The following RBFOX1 variants were observed in gnomAD, a reference collection of about 807,000 sequenced individuals.
RBFOX1 encodes RNA binding fox-1 homolog 1.
Under a neutral mutation model 57.7 loss-of-function variants are expected in RBFOX1, and 8 were observed. The ratio of observed to expected loss-of-function variants is 0.14; its 90% CI spans 0.08 to 0.25. The LOEUF is 0.25. Ranked by LOEUF, RBFOX1 falls within the 10% of genes least tolerant of loss-of-function variation. The pLI is 1.00. For missense variants in RBFOX1, 611 were observed against 548.5 expected (o/e 1.11, Z -1.14); for synonymous variants, 326 against 222.4 (o/e 1.47, Z -4.15).
At chr16:5,794,511 C>CGTGTGT (rs59795545) in intron 3 of RBFOX1, among the ~76,000 whole-genome samples, 3 of 149,904 alleles carry the variant, frequency 2.0e-5, no homozygotes, top group African/African-American at 4.9e-5. Context: ...TGCCAGCGTG[C>CGTGTGT]GTGTGTGTGT....
chr16:5,747,927 T>C (rs1021954373), intron 3 of RBFOX1, among the ~76,000 whole-genome samples: 2 of 152,192 alleles, frequency 1.3e-5, no homozygotes, highest in African/African-American at 2.4e-5. Flanking sequence ...CTTTTGAATG[T>C]GTTTGCTCTT....
intron 4 of RBFOX1, among the ~76,000 whole-genome samples, chr16:5,997,414 T>C (rs1477409354): frequency 1.3e-5 from 2 of 152,190 alleles, no homozygotes; most frequent in Non-Finnish European, 2.9e-5. Context: ...ATAGGATTGA[T>C]GGTATAATTA....
At chr16:7,710,267 G>C (rs1445672288) in intron 15 of RBFOX1, 6 of 1,105,068 alleles carry the variant, frequency 5.4e-6, no homozygotes, top group Non-Finnish European at 6.6e-6. Context: ...GAATGTGTTG[G>C]AGAGTTGAAT....
chr16:7,678,229 C>T (rs569253724), intron 14 of RBFOX1, among the ~76,000 whole-genome samples: 1 of 152,154 alleles, frequency 6.6e-6, no homozygotes, highest in South Asian at 2.1e-4. Context: ...ATAAATTATA[C>T]ATTTACCGAG....
rs147143967 is a variant in RBFOX1 at position 5,328,058 on chromosome 16, T to A, written c.219+87953T>A. ...AAAACAAATGCAGCCCCCATGTTGCTTAGGAGTCCAGGCACCAGGAGACGT... is the reference window on the plus strand; with the variant it reads ...AAAACAAATGCAGCCCCCATGTTGCATAGGAGTCCAGGCACCAGGAGACGT... On this transcript the variant is annotated intron_variant, in intron 1 of 2. Transcript: ENST00000585867. Among the ~76,000 whole-genome samples, 234 of 152,294 alleles carry A rather than the reference T, an allele frequency of 1.5e-3. 1 individual carries two copies. The highest frequency in any genetic ancestry group is 5.4e-3 in the African/African-American group (223 of 41,556).
intron 1 of RBFOX1, among the ~76,000 whole-genome samples, chr16:5,313,299 A>G (rs982702420): frequency 1.3e-5 from 2 of 152,134 alleles, no homozygotes; most frequent in East Asian, 3.9e-4. Flanking sequence ...GCAGTTGATG[A>G]GGAGAGCAAG....
intron 2 of RBFOX1, among the ~76,000 whole-genome samples, chr16:5,544,951 CTTTTTTTTTTTTTTT>C (rs59873374): frequency 2.1e-3 from 257 of 124,244 alleles, no homozygotes; most frequent in Non-Finnish European, 2.5e-3. Context: ...CTATTACATT[CTTTTTTTTTTTTTTT>C]TTTTTTTTTT....
At chr16:6,456,058 A>C (rs1057205158) in intron 2 of RBFOX1, among the ~76,000 whole-genome samples, 1 of 152,192 alleles carries the variant, frequency 6.6e-6, no homozygotes, top group Non-Finnish European at 1.5e-5. Flanking sequence ...AACAAAGATT[A>C]TATGTCTTTA....
intron 13 of RBFOX1, among the ~76,000 whole-genome samples, chr16:7,668,653 C>G (rs2070282643): frequency 7.3e-6 from 1 of 136,830 alleles, no homozygotes; most frequent in Admixed American, 7.6e-5. Flanking sequence ...TACCTGAGAA[C>G]AGAACAGAAC....
intron 4 of RBFOX1, among the ~76,000 whole-genome samples, chr16:7,105,700 ATATC>A (rs1310621703): frequency 6.6e-6 from 1 of 152,012 alleles, no homozygotes; most frequent in Admixed American, 6.6e-5. Flanking sequence ...CTCTCTATAT[ATATC>A]TATCTATATA....
chr16:6,145,188 A>G (rs2096748488), intron 1 of RBFOX1, among the ~76,000 whole-genome samples: 1 of 151,780 alleles, frequency 6.6e-6, no homozygotes, highest in African/African-American at 2.4e-5. Flanking sequence ...CCCATTTCCC[A>G]CCCTCCACCC....
chr16:6,648,574 G>A (rs899361751), intron 2 of RBFOX1, among the ~76,000 whole-genome samples: 1 of 152,082 alleles, frequency 6.6e-6, no homozygotes, highest in Non-Finnish European at 1.5e-5. Flanking sequence ...CCACCCTTCA[G>A]CCTTCAGTCC....
At chr16:6,713,586 T>G (rs1281795695) in intron 3 of RBFOX1, among the ~76,000 whole-genome samples, 1 of 152,104 alleles carries the variant, frequency 6.6e-6, no homozygotes, top group East Asian at 1.9e-4. Flanking sequence ...TTTTCAAGTG[T>G]CCCTTTGTGG....
chr16:5,303,881 G>T (rs1009064911), intron 1 of RBFOX1, among the ~76,000 whole-genome samples: 13 of 152,160 alleles, frequency 8.5e-5, no homozygotes, highest in African/African-American at 3.1e-4. Flanking sequence ...AAGGGAGGAG[G>T]CCCACACCCT....
chr16:7,272,283 C>G (rs147872956), intron 4 of RBFOX1, among the ~76,000 whole-genome samples: 4 of 152,248 alleles, frequency 2.6e-5, no homozygotes, highest in Admixed American at 2.6e-4. Flanking sequence ...CTCCCTGGTT[C>G]AAGTGATTGT....
chr16:7,295,449 G>T (rs781280581), intron 4 of RBFOX1, among the ~76,000 whole-genome samples: 1 of 152,068 alleles, frequency 6.6e-6, no homozygotes, highest in African/African-American at 2.4e-5. Flanking sequence ...TTGAGTGGTT[G>T]CTAGATAATG....
chr16:7,604,444 A>C (rs1320909903), intron 9 of RBFOX1, among the ~76,000 whole-genome samples: 2 of 152,206 alleles, frequency 1.3e-5, no homozygotes, highest in East Asian at 3.8e-4. Flanking sequence ...TCTCACGATT[A>C]ATACTTGCAA....
chr16:6,292,336 A>G (rs973473013), intron 1 of RBFOX1, among the ~76,000 whole-genome samples: 4 of 152,066 alleles, frequency 2.6e-5, no homozygotes. Context: ...ACTACCACCA[A>G]TGGCTTCTCA....
chr16:7,332,883 C>G, intron 4 of RBFOX1: 1 of 1,557,418 alleles, frequency 6.4e-7, no homozygotes, highest in Non-Finnish European at 8.7e-7. Flanking sequence ...TGCTTGGCTC[C>G]TGACAGAAGG....
Sources: allele counts gnomAD v4.1 joint callset (sites outside exome capture counted in the v4.1 genomes callset), GRCh38; gene constraint gnomAD v4.1.1; transcripts MANE v1.5; gene names NCBI Gene and HGNC (gene_info 2026-07-23, HGNC 2026-07-21).